Variants in E2F6 observed in about 807,000 individuals in gnomAD.
E2F6 encodes the protein E2F transcription factor 6.
A neutral mutation model predicts 31.5 loss-of-function variants in E2F6; 19 were observed. That is an observed-to-expected ratio of 0.60 (90% CI 0.42 to 0.89). The LOEUF is 0.89. Ranked by LOEUF, E2F6 falls within the 40% of genes least tolerant of loss-of-function variation. E2F6 has a pLI of 0.00. For missense variants in E2F6, 269 were observed against 341.6 expected (o/e 0.79, Z 1.67); for synonymous variants, 121 against 127.7 (o/e 0.95, Z 0.36).
At position 11,453,775 on chromosome 2, in the gene E2F6, G is replaced by A; in HGVS notation, c.187C>T (p.Arg63Cys). The change falls in exon 3 of 7, where the codon CGT (arginine) becomes TGT (cysteine). Residue 63 changes from arginine to cysteine, a missense_variant. By Grantham distance (180) the Arg-to-Cys change is radical. Coordinates refer to ENST00000381525, the MANE Select transcript of E2F6 (RefSeq NM_198256.4). Reference sequence around the variant, plus strand: ...AAATAAACCAGCGATACATCAAAACGAGGTCTCTTCACTTTTAGAGCTTCT... The same window carrying A: ...AAATAAACCAGCGATACATCAAAACAAGGTCTCTTCACTTTTAGAGCTTCT... ...MRKALKVKRPRFDVSLVYLTR... is the reference protein window; with the variant it reads ...MRKALKVKRPCFDVSLVYLTR... The A allele has an allele frequency of 6.2e-7, 1 of 1,614,022 alleles. No individual in the cohort carries two copies.
chr2:11,460,732 T>C (rs1411923403), intron 1 of E2F6, among the ~76,000 whole-genome samples: 1 of 152,184 alleles, frequency 6.6e-6, no homozygotes, highest in African/African-American at 2.4e-5. Context: ...CTATACAGTA[T>C]AGCCTATTGC....
In E2F6 at chr2:11,465,987, C is replaced by A; in HGVS notation, c.-108G>T. The A allele has an allele frequency of 4.0e-6, 4 of 1,006,166 alleles. No homozygotes were observed. The highest frequency in any genetic ancestry group is 5.5e-6 in the Non-Finnish European group (4 of 728,482). The allele number at this position is 1,006,166 out of a possible 1,614,324, so 62.3% of individuals were successfully genotyped here. A position where few individuals can be genotyped will look rare whatever the true frequency, so the allele number is the denominator to read the frequency against. On this transcript the variant is annotated 5_prime_UTR_variant, in exon 1 of 7. Coordinates refer to ENST00000381525, the MANE Select transcript of E2F6 (RefSeq NM_198256.4). ...CGCGCCGATTTCCAAGGGCCCAGCA[C>A]CTAAGGGGTCCGCGGCTTCCTCCGA...
chr2:11,452,474 T>C (rs370520117), intron 3 of E2F6, among the ~76,000 whole-genome samples: 2 of 151,818 alleles, frequency 1.3e-5, no homozygotes, highest in East Asian at 1.9e-4. Context: ...CGTGGTGGTG[T>C]ATGCCTGTAA....
chr2:11,444,716 C>T lies in E2F6; in HGVS notation c.*1761G>A, dbSNP rs1670618783. 6.6e-6 allele frequency: 1 copy of T among 152,192 alleles called. No homozygotes were observed. Among genetic ancestry groups the T allele is most frequent in the African/African-American group, 2.4e-5 (1 of 41,428 alleles). The allele number at this position is 152,192 out of a possible 1,614,324, so 9.4% of individuals were successfully genotyped here. A position where few individuals can be genotyped will look rare whatever the true frequency, so the allele number is the denominator to read the frequency against. On this transcript the variant is annotated 3_prime_UTR_variant, in exon 7 of 7. Coordinates refer to ENST00000381525, the MANE Select transcript of E2F6 (RefSeq NM_198256.4). ...TAAACTATCGCATCTAAACTGACAT[C>T]TGCCTGACGTACTACACAGCTCAGA... is the stretch of plus-strand genomic sequence containing the variant.
At chr2:11,452,937 G>A (rs1671162316) in intron 3 of E2F6, among the ~76,000 whole-genome samples, 1 of 152,028 alleles carries the variant, frequency 6.6e-6, no homozygotes, top group Non-Finnish European at 1.5e-5. Context: ...ATTATTTAGG[G>A]TCATTTTATG....
At chr2:11,452,329 C>T (rs1192783433) in intron 3 of E2F6, among the ~76,000 whole-genome samples, 2 of 152,186 alleles carry the variant, frequency 1.3e-5, no homozygotes, top group African/African-American at 2.4e-5. Flanking sequence ...TCAGGCCAGG[C>T]ATGGTGGGTC....
intron 1 of E2F6, among the ~76,000 whole-genome samples, chr2:11,460,988 G>A (rs1370004603): frequency 6.6e-6 from 1 of 151,954 alleles, no homozygotes; most frequent in African/African-American, 2.4e-5. Flanking sequence ...TCACCTTTAG[G>A]GGTCTGCTGG....
intron 5 of E2F6, among the ~76,000 whole-genome samples, chr2:11,449,100 G>A (rs894914514): frequency 9.2e-5 from 14 of 152,216 alleles, no homozygotes; most frequent in African/African-American, 2.7e-4. Flanking sequence ...AAATCCATTA[G>A]TCTCTGCAGA....
At chr2:11,463,958 G>GGGGGGGGGGA (rs56958029) in intron 1 of E2F6, among the ~76,000 whole-genome samples, 20 of 106,344 alleles carry the variant, frequency 1.9e-4, no homozygotes, top group African/African-American at 2.9e-4. Flanking sequence ...CGGGGGGGGG[G>GGGGGGGGGGA]ACAAAAACAA....
intron 5 of E2F6, 108 bp downstream of exon 5, chr2:11,449,904 C>T (rs1463884229): frequency 6.7e-6 from 5 of 740,816 alleles, no homozygotes; most frequent in Non-Finnish European, 1.1e-5. Context: ...ATCGGATGTA[C>T]AGTGCACGTG....
intron 5 of E2F6, among the ~76,000 whole-genome samples, chr2:11,449,528 G>A (rs1670929235): frequency 6.6e-6 from 1 of 152,168 alleles, no homozygotes; most frequent in Admixed American, 6.5e-5. Flanking sequence ...TGAGCAGCTG[G>A]CGGCTGACAA....
intron 1 of E2F6, among the ~76,000 whole-genome samples, chr2:11,460,003 T>C (rs557832159): frequency 2.6e-4 from 40 of 152,296 alleles, no homozygotes; most frequent in Admixed American, 1.4e-3. Context: ...TGACAGAGTA[T>C]ACAGCTCTCT....
At chr2:11,452,084 A>C (rs1671106255) in intron 3 of E2F6, among the ~76,000 whole-genome samples, 1 of 152,206 alleles carries the variant, frequency 6.6e-6, no homozygotes, top group Non-Finnish European at 1.5e-5. Flanking sequence ...AGGAAATAAA[A>C]AGGGCACTGA....
intron 1 of E2F6, among the ~76,000 whole-genome samples, chr2:11,465,476 A>T (rs1020345224): frequency 6.6e-6 from 1 of 152,242 alleles, no homozygotes; most frequent in African/African-American, 2.4e-5. Context: ...TTGCAGAGAT[A>T]CAGCTAGAGT....
chr2:11,450,980 C>T (rs1025718812), intron 4 of E2F6, among the ~76,000 whole-genome samples: 2 of 152,114 alleles, frequency 1.3e-5, no homozygotes, highest in Non-Finnish European at 2.9e-5. Context: ...CCAGCCCCAC[C>T]CCCCAGCTCC....
intron 1 of E2F6, among the ~76,000 whole-genome samples, chr2:11,457,894 G>C (rs1671508737): frequency 6.6e-6 from 1 of 152,138 alleles, no homozygotes; most frequent in African/African-American, 2.4e-5. Flanking sequence ...GCATGCTGTG[G>C]GTAACTAGAA....
At chr2:11,460,620 C>T (rs1367243799) in intron 1 of E2F6, among the ~76,000 whole-genome samples, 1 of 152,174 alleles carries the variant, frequency 6.6e-6, no homozygotes, top group African/African-American at 2.4e-5. Flanking sequence ...TATCTACATG[C>T]AATCATGCAT....
intron 1 of E2F6, chr2:11,458,377 G>C: frequency 6.4e-7 from 1 of 1,550,816 alleles, no homozygotes; most frequent in South Asian, 1.2e-5. Context: ...AAAAAAGACA[G>C]GATTGTGGTA....
intron 2 of E2F6, among the ~76,000 whole-genome samples, chr2:11,456,824 G>T (rs899487528): frequency 2.0e-5 from 3 of 152,118 alleles, no homozygotes; most frequent in African/African-American, 7.2e-5. Flanking sequence ...GGTCTATCAT[G>T]GAAACTTCCA....
Sources: gnomAD v4.1 joint callset for allele counts (sites outside exome capture counted in the v4.1 genomes callset) on GRCh38, gnomAD v4.1.1 for gene constraint, MANE v1.5 for transcripts, NCBI Gene and HGNC (gene_info 2026-07-23, HGNC 2026-07-21) for gene names.